Variants in PCCA observed in about 807,000 individuals in gnomAD.
PCCA encodes the protein propionyl-CoA carboxylase subunit alpha.
A neutral mutation model predicts 101.3 loss-of-function variants in PCCA; 74 were observed. That is an observed-to-expected ratio of 0.73 (90% CI 0.61 to 0.89). PCCA has a LOEUF of 0.89. PCCA is among the 40% of genes least tolerant of loss of function. PCCA has a pLI of 0.00. For synonymous variants in PCCA, 294 were observed against 313.6 expected (o/e 0.94, Z 0.66); for missense variants, 891 against 907.0 (o/e 0.98, Z 0.23).
rs143911516 is a variant in PCCA at position 100,286,619 on chromosome 13, C to T, written c.1065+13273C>T. ...AGAACTCATATCTAACAACCCCTCC[C>T]CTTGTATTTCCTTACAGCTTTCTTT... is the stretch of plus-strand genomic sequence containing the variant. On this transcript the variant is annotated intron_variant, in intron 12 of 23. Transcript: ENST00000376285. 1.2e-3 allele frequency among the ~76,000 whole-genome samples: 188 copies of T among 152,254 alleles called. 1 individual carries two copies. The highest frequency in any genetic ancestry group is 4.3e-3 in the African/African-American group (180 of 41,540).
chr13:100,526,312 AGGGCAGCGC>A (rs1254323105), intron 22 of PCCA, among the ~76,000 whole-genome samples: 1 of 152,194 alleles, frequency 6.6e-6, no homozygotes, highest in Non-Finnish European at 1.5e-5. Context: ...TGAATCAAAA[AGGGCAGCGC>A]GGGCAGCGCT....
chr13:100,434,726 G>T lies in PCCA; in HGVS notation c.1845+8995G>T, dbSNP rs543466523. Among the ~76,000 whole-genome samples, 6 of 152,236 alleles carry T rather than the reference G, an allele frequency of 3.9e-5. No individual in the cohort carries two copies. In the South Asian group the frequency reaches 1.0e-3, roughly 26 times the overall value. On this transcript the variant is annotated intron_variant, in intron 20 of 23. Coordinates refer to ENST00000376285, the MANE Select transcript of PCCA (RefSeq NM_000282.4). ...CTGCACAATCCACGTCTGGCCACAG[G>T]AAATAGTAATAAGTCCTTGCCTCAC...
chr13:100,501,248 A>G (rs1245392860), intron 21 of PCCA, among the ~76,000 whole-genome samples: 1 of 152,232 alleles, frequency 6.6e-6, no homozygotes, highest in Admixed American at 6.5e-5. Flanking sequence ...ACGAGGTACA[A>G]GTGTAAATTT....
At chr13:100,089,307 G>A (rs1013276723) in intron 1 of PCCA, 82 bp downstream of exon 1, 13 of 1,334,040 alleles carry the variant, frequency 9.7e-6, no homozygotes, top group Non-Finnish European at 1.2e-5. Context: ...CGCCGGGAGA[G>A]CGCTGGCTGG....
chr13:100,280,380 A>G (rs1406151960), intron 12 of PCCA, among the ~76,000 whole-genome samples: 3 of 151,754 alleles, frequency 2.0e-5, no homozygotes, highest in Non-Finnish European at 2.9e-5. Context: ...ATGAATTGCA[A>G]GAGACTCCTT....
At chr13:100,349,726 G>T (rs1164082381) in intron 18 of PCCA, among the ~76,000 whole-genome samples, 2 of 152,158 alleles carry the variant, frequency 1.3e-5, no homozygotes, top group Non-Finnish European at 2.9e-5. Context: ...GGATGACTTT[G>T]GCTGCATGGA....
chr13:100,422,172 G>A (rs1274684193), intron 19 of PCCA, among the ~76,000 whole-genome samples: 6 of 114,226 alleles, frequency 5.3e-5, no homozygotes, highest in African/African-American at 6.9e-5. Context: ...TTGCTCTGTC[G>A]TCCAGCCTGG....
intron 8 of PCCA, among the ~76,000 whole-genome samples, chr13:100,243,597 C>T (rs1269846597): frequency 4.6e-5 from 7 of 152,172 alleles, no homozygotes; most frequent in African/African-American, 1.7e-4. Flanking sequence ...TCCTTGTGTT[C>T]ATTAGGCTGG....
intron 1 of PCCA, among the ~76,000 whole-genome samples, chr13:100,093,338 T>A (rs766525293): frequency 6.6e-6 from 1 of 152,192 alleles, no homozygotes; most frequent in Non-Finnish European, 1.5e-5. Context: ...CTTCGTTTTA[T>A]AACCCTAAAT....
chr13:100,458,384 A>ACACACACG (rs1248726146), intron 21 of PCCA, among the ~76,000 whole-genome samples: 4 of 144,508 alleles, frequency 2.8e-5, no homozygotes, highest in Admixed American at 6.9e-5. Flanking sequence ...ACACACACAC[A>ACACACACG]CACGCACATA....
chr13:100,505,693 C>T (rs2086011473), intron 21 of PCCA, among the ~76,000 whole-genome samples: 1 of 152,184 alleles, frequency 6.6e-6, no homozygotes. Flanking sequence ...GGCAAAACCC[C>T]ATCTCTACAA....
intron 12 of PCCA, among the ~76,000 whole-genome samples, chr13:100,284,817 G>A (rs1037009351): frequency 1.3e-5 from 2 of 152,210 alleles, no homozygotes; most frequent in African/African-American, 2.4e-5. Context: ...TTAGGTGGAC[G>A]GTCTTGCCCA....
At chr13:100,248,823 T>C (rs2061596167) in intron 8 of PCCA, among the ~76,000 whole-genome samples, 1 of 152,204 alleles carries the variant, frequency 6.6e-6, no homozygotes, top group African/African-American at 2.4e-5. Flanking sequence ...CTTGGCTCAC[T>C]GCAACCTCCG....
At chr13:100,250,773 T>C (rs941605779) in intron 8 of PCCA, among the ~76,000 whole-genome samples, 1 of 152,156 alleles carries the variant, frequency 6.6e-6, no homozygotes, top group Non-Finnish European at 1.5e-5. Context: ...GTCTGGCAGG[T>C]ACATTAATTT....
At chr13:100,450,715 T>C (rs1349860728) in intron 21 of PCCA, among the ~76,000 whole-genome samples, 1 of 152,196 alleles carries the variant, frequency 6.6e-6, no homozygotes, top group Non-Finnish European at 1.5e-5. Flanking sequence ...GCTTTATCGA[T>C]TATAGAGATG....
At chr13:100,427,618 G>T (rs1199913591) in intron 20 of PCCA, among the ~76,000 whole-genome samples, 1 of 151,826 alleles carries the variant, frequency 6.6e-6, no homozygotes, top group Non-Finnish European at 1.5e-5. Context: ...ACCCCTTAAA[G>T]AGAGATCCCT....
intron 22 of PCCA, 65 bp downstream of exon 22, chr13:100,515,632 G>A: frequency 2.5e-6 from 4 of 1,580,610 alleles, no homozygotes; most frequent in Non-Finnish European, 3.5e-6. Flanking sequence ...CAAAGCGACG[G>A]CTAACGGCAC....
intron 6 of PCCA, among the ~76,000 whole-genome samples, chr13:100,204,200 G>A (rs1458317122): frequency 3.9e-5 from 6 of 151,918 alleles, no homozygotes; most frequent in Admixed American, 3.3e-4. Flanking sequence ...TGCAGTCTCG[G>A]CTCACTGCAG....
At chr13:100,197,451 A>G (rs562879676) in intron 6 of PCCA, among the ~76,000 whole-genome samples, 2 of 151,886 alleles carry the variant, frequency 1.3e-5, no homozygotes, top group South Asian at 4.2e-4. Flanking sequence ...TTTTAATTTA[A>G]TTTTATTTTT....
Sources: gnomAD v4.1 joint callset for allele counts (sites outside exome capture counted in the v4.1 genomes callset) on GRCh38, gnomAD v4.1.1 for gene constraint, MANE v1.5 for transcripts, NCBI Gene and HGNC (gene_info 2026-07-23, HGNC 2026-07-21) for gene names.